Variants in PTPRF observed in about 807,000 individuals in gnomAD.
PTPRF encodes the protein protein tyrosine phosphatase receptor type F, also known as receptor-type tyrosine-protein phosphatase F.
A neutral mutation model predicts 201.8 loss-of-function variants in PTPRF; 59 were observed. The observed-to-expected ratio is 0.29, with a 90% confidence interval of 0.24 to 0.36. The LOEUF (loss-of-function observed/expected upper bound fraction) is 0.36. PTPRF is among the 10% of genes least tolerant of loss of function. PTPRF has a pLI of 1.00. For missense variants in PTPRF, 2,132 were observed against 2,690.5 expected, an observed-to-expected ratio of 0.79 and a Z score of 4.59; for synonymous variants, 1,088 against 1,089.7, an observed-to-expected ratio of 1.00 and a Z score of 0.03.
chr1:43,567,648 G>A (rs1193021074), intron 5 of PTPRF, among the ~76,000 whole-genome samples: 4 of 152,210 alleles, frequency 2.6e-5, no homozygotes, highest in Non-Finnish European at 1.5e-5. Context: ...TCTTGCTCCT[G>A]CCTGTTGGGG....
At chr1:43,555,806 C>G (rs1003217309) in intron 5 of PTPRF, among the ~76,000 whole-genome samples, 21 of 152,282 alleles carry the variant, frequency 1.4e-4, no homozygotes, top group African/African-American at 5.1e-4. Context: ...ATTTATTTAG[C>G]CATTCCCTTA....
chr1:43,525,666 G>T (rs775702903), upstream of PTPRF, among the ~76,000 whole-genome samples: 1 of 151,900 alleles, frequency 6.6e-6, no homozygotes, highest in Non-Finnish European at 1.5e-5. Flanking sequence ...TTAGCTGGGC[G>T]TGGTGGCGGG....
At chr1:43,528,177 G>T (rs1643197718), upstream of PTPRF, among the ~76,000 whole-genome samples, 1 of 152,122 alleles carries the variant, frequency 6.6e-6, no homozygotes, top group Non-Finnish European at 1.5e-5. Flanking sequence ...ACACACTAAA[G>T]GTAGAGCAAG....
intron 5 of PTPRF, among the ~76,000 whole-genome samples, chr1:43,563,065 C>T (rs1280488156): frequency 6.6e-6 from 1 of 151,730 alleles, no homozygotes; most frequent in Non-Finnish European, 1.5e-5. Flanking sequence ...GTAATCCCAG[C>T]TACTCTGGAG....
In PTPRF at chr1:43,591,158, T is replaced by G. The variant is rs1229058695; in HGVS notation, c.1136T>G (p.Leu379Arg). The change falls in exon 9 of 34, where the codon CTC (leucine) becomes CGC (arginine). Residue 379 changes from leucine to arginine, a missense_variant. Leu to Arg is a moderately radical substitution (Grantham distance 102, BLOSUM62 -2). Transcript: ENST00000359947. The stretch of plus-strand genomic sequence containing the variant: ...ACCACCCGCTACAGCATTGGCGGCC[T>G]CAGCCCTTTCTCGGAATATGCCTTC... Reference protein sequence around the residue: ...VATTRYSIGGLSPFSEYAFRV... With the variant: ...VATTRYSIGGRSPFSEYAFRV... 6.2e-7 allele frequency: 1 copy of G among 1,613,158 alleles called. No individual in the cohort carries two copies. Among genetic ancestry groups the G allele is most frequent in the Non-Finnish European group, 8.5e-7 (1 of 1,179,944 alleles).
chr1:43,579,233 T>G (rs1199365978), intron 7 of PTPRF: 1 of 580,346 alleles, frequency 1.7e-6, no homozygotes, highest in Non-Finnish European at 3.4e-6. Context: ...ATCCGACTTC[T>G]TGGTGTATGT....
intron 1 of PTPRF, among the ~76,000 whole-genome samples, chr1:43,534,387 G>A (rs1220959323): frequency 6.6e-6 from 1 of 152,192 alleles, no homozygotes; most frequent in Non-Finnish European, 1.5e-5. Flanking sequence ...GCCCAGTGGG[G>A]CAAGAGGGTG....
At chr1:43,586,945 G>A (rs1239575691) in intron 7 of PTPRF, among the ~76,000 whole-genome samples, 1 of 152,210 alleles carries the variant, frequency 6.6e-6, no homozygotes. Flanking sequence ...TTTCCTTAAA[G>A]ACAATGGGAA....
chr1:43,529,797 G>C (rs993033769), upstream of PTPRF, among the ~76,000 whole-genome samples: 1 of 152,166 alleles, frequency 6.6e-6, no homozygotes, highest in Non-Finnish European at 1.5e-5. Context: ...TCTTCAGGTA[G>C]GTTATTGGTT....
chr1:43,540,901 A>G (rs1165851599), intron 2 of PTPRF, among the ~76,000 whole-genome samples: 1 of 152,262 alleles, frequency 6.6e-6, no homozygotes, highest in African/African-American at 2.4e-5. Context: ...AGAGCTGGAA[A>G]CATGTTGGTT....
In PTPRF at chr1:43,603,298, C is replaced by T; in HGVS notation, c.2341-118C>T. 1 of 881,040 alleles carries T rather than the reference C, an allele frequency of 1.1e-6. No homozygotes were observed. Among genetic ancestry groups the T allele is most frequent in the Non-Finnish European group, 1.8e-6 (1 of 540,924 alleles). The allele number at this position is 881,040 out of a possible 1,614,324, so 54.6% of individuals were successfully genotyped here. A position where few individuals can be genotyped will look rare whatever the true frequency, so the allele number is the denominator to read the frequency against. ...CACCATTGTATAGCCCCACCTTCCA[C>T]AACCCCTGGCCTTGTGTGCCCCGGG... is the stretch of plus-strand genomic sequence containing the variant. On this transcript the variant is annotated intron_variant, in intron 14 of 33. Transcript: ENST00000359947. The surrounding 1 kb of genome is among the most constrained non-coding windows in gnomAD (Gnocchi z 5.8).
Position 43,592,468 on chromosome 1 carries a change from C to T in PTPRF, c.1680C>T (p.Thr560=), listed in dbSNP as rs1189116460. The T allele has an allele frequency of 1.2e-6, 2 of 1,610,116 alleles. No individual in the cohort carries two copies. Among genetic ancestry groups the T allele is most frequent in the Admixed American group, 1.7e-5 (1 of 59,672 alleles). ...AEDEDQQHKV[T]FDPTSSYTLE... ...CCTGCTCTTCCCAGCACAAGGTGAC[C>T]TTCGACCCAACCTCCTCCTACACAC... The change falls in exon 11 of 34, where the codon ACC becomes ACT. Residue 560 remains threonine, a synonymous_variant. Transcript: ENST00000359947.
At chr1:43,613,524 T>C in intron 22 of PTPRF, 94 bp from the exon 23 acceptor site, 1 of 1,012,980 alleles carries the variant, frequency 9.9e-7, no homozygotes, top group Non-Finnish European at 1.6e-6. Flanking sequence ...TGGTCACACA[T>C]GTTCACATGT....
In PTPRF at chr1:43,622,511, A is replaced by G. The variant is rs1659423019; in HGVS notation, c.*508A>G. 6.5e-6 allele frequency: 1 copy of G among 153,640 alleles called. No individual in the cohort carries two copies. The highest frequency in any genetic ancestry group is 2.4e-5 in the African/African-American group (1 of 41,292). The allele number at this position is 153,640 out of a possible 1,614,324, so 9.5% of individuals were successfully genotyped here. On this transcript the variant is annotated 3_prime_UTR_variant, in exon 34 of 34. Coordinates refer to ENST00000359947, the MANE Select transcript of PTPRF (RefSeq NM_002840.5). ...TATGACTTCTGCTGAAGGACAGAAC[A>G]TTGCCTTCCTCGTGCAGAGCTGGGG...
intron 22 of PTPRF, chr1:43,613,082 C>G: frequency 5.6e-6 from 2 of 354,988 alleles, no homozygotes; most frequent in East Asian, 1.5e-4. Flanking sequence ...CTGCGTGCCT[C>G]TACCTCTCAT....
At chr1:43,528,900 G>A (rs1162164714), upstream of PTPRF, 1 of 152,282 alleles carries the variant, frequency 6.6e-6, no homozygotes, top group Non-Finnish European at 1.5e-5. Flanking sequence ...AGAGAAAAGG[G>A]GCAGAGCAGG....
Position 43,592,560 on chromosome 1 carries a change from G to A in PTPRF, c.1772G>A (p.Gly591Asp), listed in dbSNP as rs1651095997. 1 of 1,609,438 alleles carries A rather than the reference G, an allele frequency of 6.2e-7. No individual in the cohort carries two copies. The change falls in exon 11 of 34, where the codon GGC (glycine) becomes GAC (aspartate). Residue 591 changes from glycine (G) to aspartate (D), a missense_variant. By Grantham distance (94) the Gly-to-Asp change is moderately conservative. Coordinates refer to ENST00000359947, the MANE Select transcript of PTPRF (RefSeq NM_002840.5). ...GCTGCACGCTCGGATATGGGGGTGGGCGTCTTCACCCCCACCATTGAGGCC... is the reference window on the plus strand; with the variant it reads ...GCTGCACGCTCGGATATGGGGGTGGACGTCTTCACCCCCACCATTGAGGCC... Reference protein sequence around the residue: ...QLAARSDMGVGVFTPTIEART... With the variant: ...QLAARSDMGVDVFTPTIEART...
At chr1:43,607,763 C>G (rs1247879942) in intron 21 of PTPRF, among the ~76,000 whole-genome samples, 1 of 152,242 alleles carries the variant, frequency 6.6e-6, no homozygotes, top group Non-Finnish European at 1.5e-5. Flanking sequence ...TGCGGATCTC[C>G]CTCCCCCTGC....
chr1:43,583,055 C>T, intron 7 of PTPRF: 2 of 984,780 alleles, frequency 2.0e-6, no homozygotes, highest in Non-Finnish European at 2.4e-6. Flanking sequence ...TCGCACTCTG[C>T]CATCAACCCA....
Sources: gnomAD v4.1 joint callset for allele counts (sites outside exome capture counted in the v4.1 genomes callset) on GRCh38, gnomAD v4.1.1 for gene constraint, Gnocchi (gnomAD v3.1) non-coding constraint, MANE v1.5 for transcripts, NCBI Gene and HGNC (gene_info 2026-07-23, HGNC 2026-07-21) for gene names.